SUGP1: variants seen among roughly 807,000 people sequenced by gnomAD.
SUGP1 encodes SURP and G-patch domain containing 1.
In SUGP1, 34 loss-of-function variants were observed where a neutral mutation model predicts 76.5. The ratio of observed to expected loss-of-function variants is 0.44; its 90% confidence interval spans 0.34 to 0.59. The LOEUF (loss-of-function observed/expected upper bound fraction) is 0.59, where lower values mean the gene tolerates loss of function less well. SUGP1 is among the 20% of genes least tolerant of loss of function. The pLI is 0.01. For missense variants in SUGP1, 752 were observed against 851.7 expected, an observed-to-expected ratio of 0.88 and a Z score of 1.46; for synonymous variants, 326 against 326.2, an observed-to-expected ratio of 1.00 and a Z score of 0.01.
At chr19:19,295,812 G>A (rs2061220813) in intron 8 of SUGP1, among the ~76,000 whole-genome samples, 1 of 152,052 alleles carries the variant, frequency 6.6e-6, no homozygotes, top group South Asian at 2.1e-4. Flanking sequence ...AGAGGTTTCA[G>A]TGAGCTATGA....
At chr19:19,279,986 G>C (rs1050243764) in intron 9 of SUGP1, among the ~76,000 whole-genome samples, 199 bp downstream of exon 9, 1 of 152,198 alleles carries the variant, frequency 6.6e-6, no homozygotes, top group African/African-American at 2.4e-5. Flanking sequence ...GGCCACTCAG[G>C]TGCAGTGGGG....
intron 2 of SUGP1, among the ~76,000 whole-genome samples, chr19:19,313,188 G>A (rs1440268212): frequency 1.3e-5 from 2 of 151,814 alleles, no homozygotes; most frequent in African/African-American, 2.4e-5. Context: ...GAGGTCAGGA[G>A]TTCAAGACCA....
At chr19:19,310,318 A>T in intron 2 of SUGP1, 118 bp from the exon 3 acceptor site, 1 of 766,154 alleles carries the variant, frequency 1.3e-6, no homozygotes, top group Non-Finnish European at 2.3e-6. Flanking sequence ...AACTCACCCC[A>T]GCACTCTCAC....
At chr19:19,295,928 A>G (rs1200314035) in intron 8 of SUGP1, among the ~76,000 whole-genome samples, 3 of 152,202 alleles carry the variant, frequency 2.0e-5, no homozygotes, top group Non-Finnish European at 4.4e-5. Flanking sequence ...AGCTATACAC[A>G]TGGTCAATAA....
intron 8 of SUGP1, among the ~76,000 whole-genome samples, chr19:19,287,177 G>A (rs946442331): frequency 2.6e-5 from 4 of 152,184 alleles, no homozygotes; most frequent in African/African-American, 7.2e-5. Flanking sequence ...AGACTGAGAC[G>A]GGAGGATCCC....
intron 2 of SUGP1, among the ~76,000 whole-genome samples, chr19:19,314,180 C>T (rs1204940611): frequency 3.3e-5 from 5 of 151,364 alleles, no homozygotes; most frequent in African/African-American, 7.3e-5. Flanking sequence ...AATAAATAGC[C>T]GGGCATCGTG....
intron 7 of SUGP1, among the ~76,000 whole-genome samples, chr19:19,300,451 G>A (rs191640106): frequency 2.2e-4 from 33 of 152,334 alleles, no homozygotes; most frequent in African/African-American, 6.7e-4. Flanking sequence ...GCCCACAGGC[G>A]TGACAGGGAA....
rs763061905 is a variant in SUGP1, at chr19:19,277,007, G to A, written c.1851C>T (p.Asp617=). ...TCCTCTTGCGGAACGCCTCATACTCGTCGTCCTCCTTGGAGAGCTCCGCCG... is the reference window on the plus strand; with the variant it reads ...TCCTCTTGCGGAACGCCTCATACTCATCGTCCTCCTTGGAGAGCTCCGCCG... The part of the protein sequence containing the change: ...DRPAELSKED[D]EYEAFRKRMM... The change falls in exon 13 of 14, where the codon GAC becomes GAT. Residue 617 remains aspartate, a synonymous_variant. Transcript: ENST00000247001. The A allele has an allele frequency of 1.1e-5, 17 of 1,612,906 alleles. No individual in the cohort carries two copies. The highest frequency in any genetic ancestry group is 6.7e-5 in the East Asian group (3 of 44,892).
chr19:19,277,628 T>C, intron 12 of SUGP1, 106 bp downstream of exon 12: 1 of 1,424,846 alleles, frequency 7.0e-7, no homozygotes. Context: ...GTGATCATTT[T>C]GCCACAAGGG....
At chr19:19,316,669 A>G in intron 1 of SUGP1, 76 bp from the exon 2 acceptor site, 3 of 1,501,282 alleles carry the variant, frequency 2.0e-6, no homozygotes, top group South Asian at 1.2e-5. Flanking sequence ...CAGGCCAGAG[A>G]GCAACTGATG....
chr19:19,293,247 T>C (rs1392996404), intron 8 of SUGP1, among the ~76,000 whole-genome samples: 1 of 150,682 alleles, frequency 6.6e-6, no homozygotes, highest in Non-Finnish European at 1.5e-5. Context: ...TGACAAAAAC[T>C]AAAACATTTT....
chr19:19,309,666 T>C (rs960424799), intron 3 of SUGP1, among the ~76,000 whole-genome samples: 18 of 151,872 alleles, frequency 1.2e-4, no homozygotes, highest in South Asian at 8.3e-4. Flanking sequence ...ATCCCAGCAC[T>C]TTGGGAGGCT....
intron 12 of SUGP1, among the ~76,000 whole-genome samples, chr19:19,277,471 T>C (rs1161906504): frequency 1.3e-5 from 2 of 152,144 alleles, no homozygotes; most frequent in East Asian, 1.9e-4. Flanking sequence ...AGACAAGGCC[T>C]GACCCATCTG....
At chr19:19,313,008 T>TA (rs1491086185) in intron 2 of SUGP1, among the ~76,000 whole-genome samples, 1 of 150,348 alleles carries the variant, frequency 6.7e-6, no homozygotes, top group Non-Finnish European at 1.5e-5. Flanking sequence ...AATAAATAAA[T>TA]AAAATAAATA....
chr19:19,290,259 G>A (rs1243956556), intron 8 of SUGP1, among the ~76,000 whole-genome samples: 1 of 152,176 alleles, frequency 6.6e-6, no homozygotes, highest in Non-Finnish European at 1.5e-5. Flanking sequence ...GAGAGGGAAG[G>A]AGCAGAAACT....
rs1599865570 is a variant in SUGP1, at chr19:19,305,902, T to C, written c.485A>G (p.Gln162Arg). 3 of 1,613,524 alleles carry C rather than the reference T, an allele frequency of 1.9e-6. No homozygotes were observed. Among genetic ancestry groups the C allele is most frequent in the Admixed American group, 3.3e-5 (2 of 59,986 alleles). ...CTCCTCCTCGTCCTCGTCAGGGGAC[T>C]GGAAGACACTCGGGCGGTGCGCCAC... The part of the protein sequence containing the change: ...LPVAHRPSVF[Q>R]SPDEDEEEDY... Residue 162 changes from glutamine (Q) to arginine (R), a missense_variant, in exon 4 of 14, where the codon CAG becomes CGG. Physicochemically the swap from Gln to Arg is conservative, Grantham distance 43 (BLOSUM62 1). Around this residue, in one of 2 missense-constraint regions of SUGP1, gnomAD observed 620 missense variants for 617.3 expected, o/e 1.00. Coordinates refer to ENST00000247001, the MANE Select transcript of SUGP1 (RefSeq NM_172231.4).
intron 2 of SUGP1, among the ~76,000 whole-genome samples, chr19:19,315,586 T>C (rs2061388278): frequency 1.3e-5 from 2 of 152,298 alleles, no homozygotes; most frequent in South Asian, 4.1e-4. Flanking sequence ...GGACAGCCCC[T>C]TTGGTACAGC....
Position 19,297,165 on chromosome 19 carries a change from G to C in SUGP1, c.1067C>G (p.Ser356Trp). 6.2e-7 allele frequency: 1 copy of C among 1,611,828 alleles called. No homozygotes were observed. The highest frequency in any genetic ancestry group is 8.5e-7 in the Non-Finnish European group (1 of 1,178,246). The change falls in exon 8 of 14, where the codon TCG becomes TGG. Residue 356 changes from serine to tryptophan, a missense_variant. Physicochemically the swap from Ser to Trp is radical, Grantham distance 177 (BLOSUM62 -3). This residue lies in a region of SUGP1 where 620 missense variants were observed against 617.3 expected (regional missense o/e 1.00). Transcript: ENST00000247001. ...GATGATAGTGGGCGCAGGCGTGGAC[G>C]AGGCGGGGCAGGTGGTGGCTGGGGG... ...SLPPATTCPA[S>W]STPAPTIIPA... is the part of the protein sequence containing the mutation.
intron 2 of SUGP1, among the ~76,000 whole-genome samples, chr19:19,310,459 C>T (rs888303576): frequency 6.6e-6 from 1 of 152,156 alleles, no homozygotes; most frequent in African/African-American, 2.4e-5. Context: ...TTATCTCTGC[C>T]TGAATATTAA....
Sources: allele counts gnomAD v4.1 joint callset (sites outside exome capture counted in the v4.1 genomes callset), GRCh38; gene constraint gnomAD v4.1.1; regional missense constraint gnomAD v4.1.1; transcripts MANE v1.5; gene names NCBI Gene and HGNC (gene_info 2026-07-23, HGNC 2026-07-21).